Variants in TBC1D22B observed in about 807,000 individuals in gnomAD.
TBC1D22B encodes the protein chromosome 6 open reading frame 197.
TBC1D22B carries 32 observed loss-of-function variants against 69.1 expected under a neutral mutation model. The ratio of observed to expected loss-of-function variants is 0.46; its 90% confidence interval spans 0.35 to 0.62. The LOEUF is 0.62. Among genes scored for constraint, TBC1D22B ranks in the 20% least tolerant of loss-of-function variants. TBC1D22B has a pLI of 0.00. For synonymous variants in TBC1D22B, 206 were observed against 229.8 expected (o/e 0.90, Z 0.94); for missense variants, 462 against 630.9 (o/e 0.73, Z 2.87).
chr6:37,312,286 T>C (rs1767938184), intron 8 of TBC1D22B, among the ~76,000 whole-genome samples: 1 of 152,206 alleles, frequency 6.6e-6, no homozygotes, highest in Non-Finnish European at 1.5e-5. Context: ...CCCCCCCTTT[T>C]TTTTGAGTGT....
chr6:37,279,531 C>G lies in TBC1D22B; in HGVS notation c.341C>G (p.Ser114Cys). 6 of 1,614,198 alleles carry G rather than the reference C, an allele frequency of 3.7e-6. No homozygotes were observed. The highest frequency in any genetic ancestry group is 3.4e-6 in the Non-Finnish European group (4 of 1,180,040). Residue 114 changes from serine (S) to cysteine (C), a missense_variant, in exon 3 of 13, where the codon TCC becomes TGC. This residue lies in a region of TBC1D22B where 237 missense variants were observed against 255.4 expected (regional missense o/e 0.93). Transcript: ENST00000373491. ...HSKLRVKPER[S>C]QSTTSDVPAN... ...AAGCTGAGAGTAAAACCAGAACGGTCCCAGTCAACGACATCGGACGTCCCT... is the reference window on the plus strand; with the variant it reads ...AAGCTGAGAGTAAAACCAGAACGGTGCCAGTCAACGACATCGGACGTCCCT...
chr6:37,276,551 A>G (rs1188970783), intron 2 of TBC1D22B, among the ~76,000 whole-genome samples: 1 of 152,158 alleles, frequency 6.6e-6, no homozygotes, highest in African/African-American at 2.4e-5. Context: ...GTGTCCTCCC[A>G]GTTTCTATTG....
chr6:37,304,720 A>G (rs1007620301), intron 8 of TBC1D22B, among the ~76,000 whole-genome samples: 1 of 152,202 alleles, frequency 6.6e-6, no homozygotes, highest in Non-Finnish European at 1.5e-5. Context: ...CCATAGACAT[A>G]AACATGTGTC....
At chr6:37,261,010 A>G (rs893391708) in intron 1 of TBC1D22B, among the ~76,000 whole-genome samples, 3 of 152,170 alleles carry the variant, frequency 2.0e-5, no homozygotes, top group African/African-American at 7.2e-5. Flanking sequence ...TAGGAGTGGA[A>G]TTGCTGGGTC....
At chr6:37,264,969 A>G (rs961951594) in intron 1 of TBC1D22B, among the ~76,000 whole-genome samples, 2 of 152,210 alleles carry the variant, frequency 1.3e-5, no homozygotes, top group African/African-American at 4.8e-5. Flanking sequence ...GAGCACCTTA[A>G]TCATTGGGCT....
rs149613795 is a variant in TBC1D22B at position 37,288,883 on chromosome 6, A to G, written c.867+1811A>G. Among the ~76,000 whole-genome samples, 555 of 151,796 alleles carry G rather than the reference A, an allele frequency of 3.7e-3. 2 individuals are homozygous for G. Among genetic ancestry groups the G allele is most frequent in the African/African-American group, 0.012 (515 of 41,386 alleles). ...CTAGCAGGCTACAGTCATCTTTTAA[A>G]TTTTTTTTATTTTAACTTTTTAAGA... On this transcript the variant is annotated intron_variant, in intron 7 of 12. Transcript: ENST00000373491.
At chr6:37,282,138 C>G in intron 3 of TBC1D22B, 47 bp from the exon 4 acceptor site, 2 of 1,598,414 alleles carry the variant, frequency 1.3e-6, no homozygotes, top group Non-Finnish European at 1.7e-6. Context: ...TCTCAGAATC[C>G]ATACTCCTCA....
intron 8 of TBC1D22B, among the ~76,000 whole-genome samples, chr6:37,291,860 C>T (rs1486313697): frequency 6.6e-6 from 1 of 152,166 alleles, no homozygotes; most frequent in Non-Finnish European, 1.5e-5. Flanking sequence ...CCTTCTTCAC[C>T]TCTCACCCCA....
At chr6:37,261,003 G>A (rs1207435227) in intron 1 of TBC1D22B, among the ~76,000 whole-genome samples, 1 of 152,166 alleles carries the variant, frequency 6.6e-6, no homozygotes, top group Non-Finnish European at 1.5e-5. Context: ...TGATAAATAG[G>A]AGTGGAATTG....
chr6:37,279,410 G>T lies in TBC1D22B; in HGVS notation c.220G>T (p.Asp74Tyr). The T allele has an allele frequency of 6.2e-7, 1 of 1,614,186 alleles. No homozygotes were observed. ...RNTSDAWDIGDDEEEDFSSPS... is the reference protein window; with the variant it reads ...RNTSDAWDIGYDEEEDFSSPS... ...TACCAGTGATGCTTGGGACATTGGC[G>T]ATGATGAGGAAGAGGACTTTTCCTC... The change falls in exon 3 of 13, where the codon GAT becomes TAT. Residue 74 changes from aspartate to tyrosine, a missense_variant. Physicochemically the swap from Asp to Tyr is radical, Grantham distance 160 (BLOSUM62 -3). This residue lies in a region of TBC1D22B where 237 missense variants were observed against 255.4 expected (regional missense o/e 0.93). Coordinates refer to ENST00000373491, the MANE Select transcript of TBC1D22B (RefSeq NM_017772.4).
chr6:37,281,317 T>C (rs541438364), intron 3 of TBC1D22B, among the ~76,000 whole-genome samples: 1 of 152,370 alleles, frequency 6.6e-6, no homozygotes, highest in East Asian at 1.9e-4. Flanking sequence ...GTGACCTATA[T>C]GCCTTATACA....
intron 1 of TBC1D22B, among the ~76,000 whole-genome samples, chr6:37,259,015 ATT>A (rs11379140): frequency 4.4e-5 from 6 of 137,930 alleles, no homozygotes; most frequent in Admixed American, 7.3e-5. Flanking sequence ...AAGAGCCTTA[ATT>A]TTTTTTTTTT....
chr6:37,315,163 G>A (rs1241262740), intron 10 of TBC1D22B, among the ~76,000 whole-genome samples: 4 of 152,048 alleles, frequency 2.6e-5, no homozygotes, highest in Admixed American at 6.6e-5. Context: ...TATTTTTTCC[G>A]CCCTTACAAA....
At chr6:37,325,893 G>C (rs2113793513) in intron 12 of TBC1D22B, among the ~76,000 whole-genome samples, 1 of 152,276 alleles carries the variant, frequency 6.6e-6, no homozygotes, top group Middle Eastern at 3.4e-3. Context: ...GACTAGGGTC[G>C]GGGCTAGAGG....
chr6:37,264,576 G>A (rs1766213430), intron 1 of TBC1D22B, among the ~76,000 whole-genome samples: 1 of 152,194 alleles, frequency 6.6e-6, no homozygotes, highest in South Asian at 2.1e-4. Flanking sequence ...CTCTCAAAGT[G>A]CAGGGATTAC....
intron 1 of TBC1D22B, among the ~76,000 whole-genome samples, chr6:37,267,149 C>T (rs1466149021): frequency 6.6e-6 from 1 of 150,610 alleles, no homozygotes; most frequent in Non-Finnish European, 1.5e-5. Flanking sequence ...GTTGCTCAGG[C>T]TGGTCAAACT....
intron 12 of TBC1D22B, among the ~76,000 whole-genome samples, chr6:37,329,872 T>C (rs1768531514): frequency 6.6e-6 from 1 of 152,224 alleles, no homozygotes; most frequent in Non-Finnish European, 1.5e-5. Flanking sequence ...ACATCCAGAA[T>C]TGGCCAGAAC....
At chr6:37,259,574 TC>T (rs1275912597) in intron 1 of TBC1D22B, among the ~76,000 whole-genome samples, 1 of 152,236 alleles carries the variant, frequency 6.6e-6, no homozygotes, top group Non-Finnish European at 1.5e-5. Context: ...TTCCTATATT[TC>T]CTGTATTTGG....
chr6:37,292,413 C>A (rs139245972), intron 8 of TBC1D22B, among the ~76,000 whole-genome samples: 1,802 of 152,226 alleles, frequency 0.012, 30 homozygotes, highest in Middle Eastern at 0.044. Context: ...ATGAGGCGAT[C>A]TCAGAAAATT....
Sources: gnomAD v4.1 joint callset for allele counts (sites outside exome capture counted in the v4.1 genomes callset) on GRCh38, gnomAD v4.1.1 for gene constraint, gnomAD v4.1.1 regional missense constraint, MANE v1.5 for transcripts, NCBI Gene and HGNC (gene_info 2026-07-23, HGNC 2026-07-21) for gene names.